SUGCT: variants seen among roughly 807,000 people sequenced by gnomAD.
SUGCT encodes succinyl-CoA:glutarate-CoA transferase, also known as succinyl-CoA:glutarate CoA-transferase.
In SUGCT, 41 loss-of-function variants were observed where a neutral mutation model predicts 55.0. The ratio of observed to expected loss-of-function variants is 0.74; its 90% confidence interval spans 0.58 to 0.97. The LOEUF is 0.97. Ranked by LOEUF, SUGCT falls within the 50% of genes least tolerant of loss-of-function variation. The pLI is 0.00. For missense variants in SUGCT, 568 were observed against 547.8 expected (o/e 1.04, Z -0.37); for synonymous variants, 187 against 200.4 (o/e 0.93, Z 0.56).
intron 7 of SUGCT, among the ~76,000 whole-genome samples, chr7:40,260,354 T>G (rs1356744714): frequency 6.6e-6 from 1 of 152,036 alleles, no homozygotes; most frequent in Non-Finnish European, 1.5e-5. Flanking sequence ...CCCCATAGAG[T>G]TGGTGCTTAT....
intron 12 of SUGCT, among the ~76,000 whole-genome samples, chr7:40,624,952 TATC>T (rs1405300075): frequency 2.0e-5 from 3 of 152,120 alleles, no homozygotes; most frequent in South Asian, 4.1e-4. Flanking sequence ...CAACCCCACT[TATC>T]ATAGTGCATT....
At chr7:40,667,024 G>A (rs1476704565) in intron 12 of SUGCT, among the ~76,000 whole-genome samples, 8 of 151,376 alleles carry the variant, frequency 5.3e-5, no homozygotes. Context: ...CTGAGGTAGG[G>A]GGATCATTTA....
chr7:40,496,146 C>T (rs2151518515), intron 11 of SUGCT, 138 bp from the exon 12 acceptor site: 1 of 582,220 alleles, frequency 1.7e-6, no homozygotes, highest in Non-Finnish European at 3.0e-6. Context: ...AGACAACCTT[C>T]TCTCAAATGA....
intron 10 of SUGCT, among the ~76,000 whole-genome samples, chr7:40,457,134 A>C (rs1789534184): frequency 6.7e-6 from 1 of 149,518 alleles, no homozygotes; most frequent in Non-Finnish European, 1.5e-5. Context: ...TTTTTGTACC[A>C]ATATATGCTT....
At chr7:40,156,520 A>G (rs1001405970) in intron 1 of SUGCT, among the ~76,000 whole-genome samples, 3 of 152,080 alleles carry the variant, frequency 2.0e-5, no homozygotes, top group Non-Finnish European at 4.4e-5. Context: ...GAAGCCCAAT[A>G]TATGAGCAAA....
intron 7 of SUGCT, among the ~76,000 whole-genome samples, chr7:40,249,681 A>G (rs1005759932): frequency 1.3e-5 from 2 of 152,140 alleles, no homozygotes; most frequent in Admixed American, 6.6e-5. Flanking sequence ...CCTTTCTAAC[A>G]TGACACTGCT....
At chr7:40,743,508 A>T (rs1176798681) in intron 12 of SUGCT, among the ~76,000 whole-genome samples, 2 of 152,240 alleles carry the variant, frequency 1.3e-5, no homozygotes. Flanking sequence ...TAACAATAAC[A>T]GACCAGTGGT....
intron 12 of SUGCT, among the ~76,000 whole-genome samples, chr7:40,551,982 T>C (rs1290469583): frequency 6.6e-6 from 1 of 152,198 alleles, no homozygotes; most frequent in Non-Finnish European, 1.5e-5. Flanking sequence ...TACACCATCT[T>C]GGAATGCTTT....
chr7:40,846,335 G>A (rs2876979), intron 13 of SUGCT, among the ~76,000 whole-genome samples: 33,042 of 151,204 alleles, frequency 0.22, 4,755 homozygotes, highest in East Asian at 0.8. Flanking sequence ...TTGAGTATTC[G>A]TGAGTGTCTA....
intron 11 of SUGCT, among the ~76,000 whole-genome samples, chr7:40,487,665 A>G (rs1029723527): frequency 1.3e-5 from 2 of 151,958 alleles, no homozygotes; most frequent in Admixed American, 6.6e-5. Flanking sequence ...AACTATTCAT[A>G]TTTACTTTAT....
the SUGCT span, among the ~76,000 whole-genome samples, chr7:40,891,097 T>C: frequency 6.6e-6 from 1 of 152,020 alleles, no homozygotes; most frequent in Non-Finnish European, 1.5e-5. Context: ...GACAGGTCAT[T>C]TGGGATTTCC....
intron 12 of SUGCT, among the ~76,000 whole-genome samples, chr7:40,654,604 A>T (rs1800929594): frequency 6.6e-6 from 1 of 152,234 alleles, no homozygotes; most frequent in African/African-American, 2.4e-5. Flanking sequence ...TGTCATTTAA[A>T]TATCGATTTA....
intron 12 of SUGCT, among the ~76,000 whole-genome samples, chr7:40,586,752 G>C (rs530843572): frequency 1.9e-4 from 29 of 152,270 alleles, no homozygotes; most frequent in African/African-American, 6.7e-4. Context: ...TTGCTCAAAG[G>C]TACAAGTTGA....
chr7:40,637,201 C>G (rs1162990372), intron 12 of SUGCT, among the ~76,000 whole-genome samples: 2 of 152,304 alleles, frequency 1.3e-5, no homozygotes, highest in East Asian at 3.9e-4. Context: ...TGGAGATTTT[C>G]AACTTCTCAA....
At chr7:40,531,657 T>C (rs1429997801) in intron 12 of SUGCT, among the ~76,000 whole-genome samples, 3 of 151,614 alleles carry the variant, frequency 2.0e-5, no homozygotes, top group African/African-American at 7.2e-5. Context: ...TATTTTAAAA[T>C]ATGTATATAT....
rs1262607939 is a variant in SUGCT at position 40,340,909 on chromosome 7, C to G, written c.816+24054C>G. On this transcript the variant is annotated intron_variant, in intron 9 of 13. Coordinates refer to ENST00000335693, the MANE Select transcript of SUGCT (RefSeq NM_001193313.2). ...GTAGAACTTTCCACTGTCATCATGT[C>G]TTTTGAAGCAAAGAGGTGAGGTATG... Among the ~76,000 whole-genome samples, 3 of 152,258 alleles carry G rather than the reference C, an allele frequency of 2.0e-5. No homozygotes were observed. In the East Asian group the frequency reaches 5.8e-4, roughly 29 times the overall value.
intron 12 of SUGCT, among the ~76,000 whole-genome samples, chr7:40,672,646 A>G (rs1194909522): frequency 6.6e-6 from 1 of 152,172 alleles, no homozygotes. Context: ...GATGGAATAT[A>G]TCTTTACTCT....
intron 9 of SUGCT, among the ~76,000 whole-genome samples, chr7:40,430,788 C>T (rs796960099): frequency 6.6e-6 from 1 of 152,044 alleles, no homozygotes; most frequent in Non-Finnish European, 1.5e-5. Context: ...GGTCTTATAC[C>T]CATTTTTAGT....
intron 9 of SUGCT, among the ~76,000 whole-genome samples, chr7:40,334,472 T>C (rs2151157880): frequency 6.6e-6 from 1 of 152,300 alleles, no homozygotes; most frequent in South Asian, 2.1e-4. Flanking sequence ...TATCTCATTG[T>C]GGTTTTGATT....
Sources: allele counts gnomAD v4.1 joint callset (sites outside exome capture counted in the v4.1 genomes callset), GRCh38; gene constraint gnomAD v4.1.1; transcripts MANE v1.5; gene names NCBI Gene and HGNC (gene_info 2026-07-23, HGNC 2026-07-21).